ADAMTSL1: variants seen among roughly 807,000 people sequenced by gnomAD.
The protein encoded by ADAMTSL1 is ADAMTS like 1.
A neutral mutation model predicts 201.8 loss-of-function variants in ADAMTSL1; 126 were observed. That is an observed-to-expected ratio of 0.62 (90% CI 0.54 to 0.72). The LOEUF (loss-of-function observed/expected upper bound fraction) is 0.72, where lower values mean the gene tolerates loss of function less well. ADAMTSL1 is among the 30% of genes least tolerant of loss of function. The pLI is 0.00. For synonymous variants in ADAMTSL1, 1,121 were observed against 903.4 expected (o/e 1.24, Z -4.32); for missense variants, 2,679 against 2,277.8 (o/e 1.18, Z -3.59).
At chr9:18,638,997 A>G (rs1465185674) in intron 6 of ADAMTSL1, among the ~76,000 whole-genome samples, 2 of 152,272 alleles carry the variant, frequency 1.3e-5, no homozygotes, top group African/African-American at 2.4e-5. Context: ...CATCATCTGG[A>G]GAGTCAAAGA....
chr9:18,523,261 A>G (rs938667319), intron 2 of ADAMTSL1, among the ~76,000 whole-genome samples: 1 of 152,080 alleles, frequency 6.6e-6, no homozygotes, highest in Non-Finnish European at 1.5e-5. Context: ...GTCTGTTCAT[A>G]TCCTTTTCCC....
chr9:18,627,413 T>A (rs1587737662), intron 5 of ADAMTSL1, among the ~76,000 whole-genome samples: 1 of 152,234 alleles, frequency 6.6e-6, no homozygotes, highest in East Asian at 1.9e-4. Flanking sequence ...CTGCTGTAAC[T>A]AATTACCACA....
At chr9:18,459,450 T>C (rs1563973498) in intron 2 of ADAMTSL1, among the ~76,000 whole-genome samples, 1 of 152,162 alleles carries the variant, frequency 6.6e-6, no homozygotes, top group African/African-American at 2.4e-5. Flanking sequence ...TCACTAGTTA[T>C]TTTATTTATT....
intron 1 of ADAMTSL1, among the ~76,000 whole-genome samples, chr9:17,919,436 T>C (rs1303197556): frequency 2.6e-5 from 4 of 152,030 alleles, no homozygotes; most frequent in African/African-American, 7.2e-5. Context: ...GCAACATTTT[T>C]GTGAATTCAA....
At chr9:17,929,852 C>A (rs929880755) in intron 1 of ADAMTSL1, among the ~76,000 whole-genome samples, 1 of 152,108 alleles carries the variant, frequency 6.6e-6, no homozygotes. Flanking sequence ...TCATACACTT[C>A]TTTGCATTTT....
At chr9:18,731,043 G>A (rs536119998) in intron 15 of ADAMTSL1, among the ~76,000 whole-genome samples, 1 of 152,298 alleles carries the variant, frequency 6.6e-6, no homozygotes, top group African/African-American at 2.4e-5. Context: ...ATGGCTGATG[G>A]TCATCTCAGC....
At chr9:18,017,718 T>C (rs903849680) in intron 1 of ADAMTSL1, among the ~76,000 whole-genome samples, 15 of 152,048 alleles carry the variant, frequency 9.9e-5, no homozygotes, top group African/African-American at 3.4e-4. Flanking sequence ...CTGGCTACGT[T>C]TCAATTTAGG....
At chr9:17,967,052 A>G (rs139192012) in intron 1 of ADAMTSL1, among the ~76,000 whole-genome samples, 1 of 152,140 alleles carries the variant, frequency 6.6e-6, no homozygotes, top group Non-Finnish European at 1.5e-5. Flanking sequence ...TACTTTTCTA[A>G]AAGTTGTAAT....
At chr9:18,219,167 A>C (rs952612013) in intron 2 of ADAMTSL1, among the ~76,000 whole-genome samples, 4 of 151,518 alleles carry the variant, frequency 2.6e-5, no homozygotes, top group African/African-American at 9.7e-5. Context: ...TACTCTTTTC[A>C]AACTTGTCTG....
intron 23 of ADAMTSL1, among the ~76,000 whole-genome samples, chr9:18,872,899 T>C (rs1203038166): frequency 2.0e-5 from 3 of 152,188 alleles, no homozygotes; most frequent in Non-Finnish European, 4.4e-5. Flanking sequence ...TATTTTCAGT[T>C]CTTTAAAGAA....
chr9:18,671,902 C>G (rs776767), intron 9 of ADAMTSL1, among the ~76,000 whole-genome samples: 2 of 151,594 alleles, frequency 1.3e-5, no homozygotes, highest in South Asian at 2.1e-4. Context: ...CCGGGCGTGG[C>G]GGCGGGCGCC....
At chr9:18,178,791 C>T (rs1346579086) in intron 2 of ADAMTSL1, among the ~76,000 whole-genome samples, 4 of 152,260 alleles carry the variant, frequency 2.6e-5, no homozygotes, top group Admixed American at 6.5e-5. Context: ...TGGCCAGGTA[C>T]TCCAACAGAA....
At chr9:18,286,564 AGTTT>A (rs1833000902) in intron 2 of ADAMTSL1, among the ~76,000 whole-genome samples, 14 of 126,860 alleles carry the variant, frequency 1.1e-4, no homozygotes, top group African/African-American at 1.5e-4. Flanking sequence ...TTTCTATAGC[AGTTT>A]ATGGTTTTCA....
At chr9:18,324,411 ATT>A (rs112245773) in intron 2 of ADAMTSL1, among the ~76,000 whole-genome samples, 18 of 144,688 alleles carry the variant, frequency 1.2e-4, no homozygotes, top group Non-Finnish European at 1.5e-4. Context: ...ATACGCAAAG[ATT>A]TTTTTTTTTT....
At chr9:18,113,090 T>A (rs1825099811) in intron 1 of ADAMTSL1, among the ~76,000 whole-genome samples, 2 of 152,086 alleles carry the variant, frequency 1.3e-5, no homozygotes, top group African/African-American at 4.8e-5. Context: ...GTATGAAAGC[T>A]GAGTTCTGAG....
intron 2 of ADAMTSL1, among the ~76,000 whole-genome samples, chr9:18,238,643 A>G (rs1830942115): frequency 6.6e-6 from 1 of 152,208 alleles, no homozygotes; most frequent in Non-Finnish European, 1.5e-5. Flanking sequence ...CTTCTCTAAT[A>G]TCATAGAAAG....
intron 1 of ADAMTSL1, among the ~76,000 whole-genome samples, chr9:17,916,815 G>T (rs1476230235): frequency 6.6e-6 from 1 of 152,154 alleles, no homozygotes; most frequent in East Asian, 1.9e-4. Context: ...CCAATTAAAA[G>T]ATGCATGCGG....
intron 2 of ADAMTSL1, among the ~76,000 whole-genome samples, chr9:18,186,072 G>C (rs1275175707): frequency 6.6e-6 from 1 of 152,162 alleles, no homozygotes; most frequent in Non-Finnish European, 1.5e-5. Context: ...ATAAAAGCTT[G>C]AGCTGAGAAT....
chr9:17,943,076 T>C (rs1014254901), intron 1 of ADAMTSL1, among the ~76,000 whole-genome samples: 3 of 152,020 alleles, frequency 2.0e-5, no homozygotes, highest in African/African-American at 7.2e-5. Flanking sequence ...TGTGCACTAC[T>C]ATGCCAGGCT....
Sources: allele counts gnomAD v4.1 joint callset (sites outside exome capture counted in the v4.1 genomes callset), GRCh38; gene constraint gnomAD v4.1.1; transcripts MANE v1.5; gene names NCBI Gene and HGNC (gene_info 2026-07-23, HGNC 2026-07-21).